Variants in SCAND3 observed in about 807,000 individuals in gnomAD.
SCAND3 encodes the protein SCAN domain containing 3, also known as SCAN domain-containing protein 3.
the SCAND3 span, among the ~76,000 whole-genome samples, chr6:28,604,105 A>G: frequency 6.6e-6 from 1 of 152,242 alleles, no homozygotes; most frequent in East Asian, 1.9e-4. Context: ...AGCAGATCAC[A>G]AAGGCAGCCC....
chr6:28,592,234 G>A, the SCAND3 span, among the ~76,000 whole-genome samples: 1 of 152,114 alleles, frequency 6.6e-6, no homozygotes, highest in Non-Finnish European at 1.5e-5. The surrounding 1 kb of genome is among the most constrained non-coding windows in gnomAD (Gnocchi z 4.1). Context: ...GATAAATTCA[G>A]TAAAGTTGCA....
the SCAND3 span, among the ~76,000 whole-genome samples, chr6:28,580,802 AC>A: frequency 4.2e-5 from 1 of 23,748 alleles, no homozygotes; most frequent in East Asian, 2.1e-3. Context: ...CCACCCCCCC[AC>A]CCCCCCAAGC....
At chr6:28,603,048 C>T in the SCAND3 span, among the ~76,000 whole-genome samples, 2 of 149,448 alleles carry the variant, frequency 1.3e-5, no homozygotes, top group Non-Finnish European at 1.5e-5. Context: ...CTGCAAACTC[C>T]GCCTCCCGGA....
chr6:28,598,876 C>CAAAAAAAAAAAAAA, the SCAND3 span, among the ~76,000 whole-genome samples: 2 of 74,312 alleles, frequency 2.7e-5, no homozygotes, highest in Non-Finnish European at 2.7e-5. Context: ...GACTATGTCT[C>CAAAAAAAAAAAAAA]AAAAAAAAAA....
the SCAND3 span, chr6:28,591,893 A>G: frequency 6.6e-6 from 1 of 152,234 alleles, no homozygotes; most frequent in Non-Finnish European, 1.5e-5. Context: ...AGAATAGAGG[A>G]CCAAGCAAAT....
At chr6:28,600,679 GA>G in the SCAND3 span, among the ~76,000 whole-genome samples, 2 of 151,988 alleles carry the variant, frequency 1.3e-5, no homozygotes, top group Non-Finnish European at 1.5e-5. Flanking sequence ...TTATCACCCA[GA>G]AATAATATAT....
the SCAND3 span, among the ~76,000 whole-genome samples, chr6:28,591,914 T>C: frequency 2.0e-5 from 3 of 152,330 alleles, no homozygotes; most frequent in South Asian, 6.2e-4. Flanking sequence ...TAATGGTAGC[T>C]GATTTCCTGA....
the SCAND3 span, among the ~76,000 whole-genome samples, chr6:28,610,463 C>T: frequency 6.6e-6 from 1 of 151,876 alleles, no homozygotes; most frequent in Admixed American, 6.6e-5. Context: ...GTGGAGGTTG[C>T]AGTGAGCCGA....
At chr6:28,578,973 T>A in the SCAND3 span, among the ~76,000 whole-genome samples, 1 of 152,192 alleles carries the variant, frequency 6.6e-6, no homozygotes, top group Non-Finnish European at 1.5e-5. Flanking sequence ...ATGGGACCCA[T>A]GACTACACTG....
the SCAND3 span, among the ~76,000 whole-genome samples, chr6:28,580,739 A>G: frequency 6.6e-6 from 1 of 152,202 alleles, no homozygotes; most frequent in Admixed American, 6.5e-5. Flanking sequence ...GGAGCAACTA[A>G]GAAACAAAAT....
the SCAND3 span, chr6:28,590,082 C>A: frequency 2.0e-5 from 3 of 152,118 alleles, 1 homozygote; most frequent in Admixed American, 2.0e-4. Context: ...GTCTTCCAGC[C>A]GGAGAGAAAA....
At chr6:28,579,410 C>T in the SCAND3 span, 1 of 1,611,846 alleles carries the variant, frequency 6.2e-7, no homozygotes, top group South Asian at 1.1e-5. This position sits in a 1 kb window ranked among gnomAD's most constrained non-coding sequence, Gnocchi z 4.5. Context: ...CCATATGTGC[C>T]CTGTGAGACC....
At chr6:28,609,638 A>G in the SCAND3 span, among the ~76,000 whole-genome samples, 1 of 152,158 alleles carries the variant, frequency 6.6e-6, no homozygotes, top group Non-Finnish European at 1.5e-5. Context: ...TGGATGAAGG[A>G]CTCTAGAATG....
the SCAND3 span, chr6:28,589,425 T>C: frequency 2.0e-5 from 3 of 152,158 alleles, no homozygotes; most frequent in African/African-American, 7.2e-5. Flanking sequence ...AATCCAGCAA[T>C]CCGAGTTCGA....
chr6:28,572,374 G>A, the SCAND3 span: 1 of 1,611,666 alleles, frequency 6.2e-7, no homozygotes, highest in African/African-American at 1.3e-5. This position sits in a 1 kb window ranked among gnomAD's most constrained non-coding sequence, Gnocchi z 4.1. Flanking sequence ...TCGCAGATGT[G>A]CAATATCAAG....
At chr6:28,585,676 T>A in the SCAND3 span, among the ~76,000 whole-genome samples, 2 of 152,236 alleles carry the variant, frequency 1.3e-5, no homozygotes, top group African/African-American at 4.8e-5. Flanking sequence ...CAGATAAATG[T>A]ATGAATAGTA....
chr6:28,608,113 A>G, the SCAND3 span, among the ~76,000 whole-genome samples: 1 of 152,236 alleles, frequency 6.6e-6, no homozygotes, highest in African/African-American at 2.4e-5. Context: ...GAATGTGGAC[A>G]GACTCCAAGT....
At chr6:28,581,317 G>C in the SCAND3 span, among the ~76,000 whole-genome samples, 1 of 152,142 alleles carries the variant, frequency 6.6e-6, no homozygotes, top group East Asian at 1.9e-4. Flanking sequence ...CAGCCTGGGT[G>C]ACAGAGTGAG....
the SCAND3 span, among the ~76,000 whole-genome samples, chr6:28,602,956 A>AAT: frequency 2.0e-3 from 186 of 94,468 alleles, 1 homozygote; most frequent in African/African-American, 8.2e-3. Context: ...CCAAAAAAAA[A>AAT]TTTTTTTTTT....
Sources: allele counts gnomAD v4.1 joint callset (sites outside exome capture counted in the v4.1 genomes callset), GRCh38; gene constraint gnomAD v4.1.1; non-coding constraint Gnocchi (gnomAD v3.1); transcripts MANE v1.5; gene names NCBI Gene and HGNC (gene_info 2026-07-23, HGNC 2026-07-21).